GRXCR1: variants seen among roughly 807,000 people sequenced by gnomAD.
GRXCR1 encodes glutaredoxin and cysteine rich domain containing 1.
In GRXCR1, 27 loss-of-function variants were observed where a neutral mutation model predicts 27.3. That is an observed-to-expected ratio of 0.99 (90% CI 0.73 to 1.37). The LOEUF is 1.37. Among genes scored for constraint, GRXCR1 ranks in the 40% most tolerant of loss-of-function variants. GRXCR1 has a pLI of 0.00. For synonymous variants in GRXCR1, 122 were observed against 131.1 expected, an observed-to-expected ratio of 0.93 and a Z score of 0.47; for missense variants, 379 against 354.4, an observed-to-expected ratio of 1.07 and a Z score of -0.56.
At chr4:42,993,274 G>A (rs1712033415) in intron 2 of GRXCR1, among the ~76,000 whole-genome samples, 1 of 151,904 alleles carries the variant, frequency 6.6e-6, no homozygotes, top group Non-Finnish European at 1.5e-5. Context: ...CTTCATTATT[G>A]GTCCTCTTTT....
intron 3 of GRXCR1, among the ~76,000 whole-genome samples, chr4:43,027,600 T>G (rs901807380): frequency 6.6e-6 from 1 of 152,192 alleles, no homozygotes; most frequent in African/African-American, 2.4e-5. Context: ...GACAAGGAGC[T>G]CAGAAAGCTG....
chr4:43,023,167 C>T (rs1315257543), intron 3 of GRXCR1, among the ~76,000 whole-genome samples: 1 of 152,048 alleles, frequency 6.6e-6, no homozygotes, highest in African/African-American at 2.4e-5. Context: ...AGGAGGTAAG[C>T]TAGTAAAGAT....
chr4:42,967,460 A>AT (rs1748274089), intron 2 of GRXCR1, among the ~76,000 whole-genome samples: 1 of 151,488 alleles, frequency 6.6e-6, no homozygotes, highest in Admixed American at 6.6e-5. Context: ...TTTTTTGGAA[A>AT]TATTTCTTTT....
At chr4:42,927,783 A>G (rs192917017) in intron 1 of GRXCR1, among the ~76,000 whole-genome samples, 5 of 152,116 alleles carry the variant, frequency 3.3e-5, no homozygotes, top group Admixed American at 2.0e-4. Context: ...GGGAAGTAGG[A>G]AAGTGGGGAG....
intron 1 of GRXCR1, among the ~76,000 whole-genome samples, chr4:42,939,346 T>C (rs1465323704): frequency 6.6e-6 from 1 of 152,080 alleles, no homozygotes; most frequent in African/African-American, 2.4e-5. Context: ...TTTTGTACGT[T>C]GATTTTTATC....
intron 2 of GRXCR1, among the ~76,000 whole-genome samples, chr4:42,966,473 T>C (rs957224120): frequency 6.6e-6 from 1 of 152,124 alleles, no homozygotes; most frequent in African/African-American, 2.4e-5. Context: ...TTATTCTATT[T>C]AAGAGTAAAG....
chr4:42,913,700 A>G (rs909679855), intron 1 of GRXCR1, among the ~76,000 whole-genome samples: 1 of 152,164 alleles, frequency 6.6e-6, no homozygotes, highest in Non-Finnish European at 1.5e-5. Flanking sequence ...GCCAATGGGG[A>G]AAATATCACC....
intron 1 of GRXCR1, among the ~76,000 whole-genome samples, chr4:42,922,731 T>C (rs1747044507): frequency 6.6e-6 from 1 of 152,038 alleles, no homozygotes; most frequent in Non-Finnish European, 1.5e-5. Context: ...ATGGGAAATA[T>C]ATTCCCCTTG....
At chr4:42,943,244 G>T (rs1184273049) in intron 1 of GRXCR1, among the ~76,000 whole-genome samples, 1 of 152,018 alleles carries the variant, frequency 6.6e-6, no homozygotes, top group African/African-American at 2.4e-5. Flanking sequence ...ATAGTTAATT[G>T]TTCAATAAAT....
intron 2 of GRXCR1, among the ~76,000 whole-genome samples, chr4:43,019,762 G>C (rs1713040835): frequency 6.6e-6 from 1 of 152,068 alleles, no homozygotes; most frequent in South Asian, 2.1e-4. Flanking sequence ...GTCTTCTCTG[G>C]GTGGCCTTGG....
At chr4:43,000,411 G>T (rs1167479441) in intron 2 of GRXCR1, among the ~76,000 whole-genome samples, 1 of 150,070 alleles carries the variant, frequency 6.7e-6, no homozygotes, top group East Asian at 2.0e-4. Context: ...GGGACTAGGA[G>T]GTTGCAGTGA....
At chr4:42,966,635 G>A (rs1186955632) in intron 2 of GRXCR1, among the ~76,000 whole-genome samples, 2 of 152,086 alleles carry the variant, frequency 1.3e-5, no homozygotes, top group Non-Finnish European at 2.9e-5. Flanking sequence ...AGTCAAGAAG[G>A]AGTTGGCTCC....
At chr4:42,961,457 T>A (rs1347147922) in intron 1 of GRXCR1, among the ~76,000 whole-genome samples, 3 of 151,990 alleles carry the variant, frequency 2.0e-5, no homozygotes, top group Non-Finnish European at 2.9e-5. Flanking sequence ...TTTAAGTTGC[T>A]ACGTAAAATA....
At chr4:42,915,359 C>T (rs1051454743) in intron 1 of GRXCR1, among the ~76,000 whole-genome samples, 3 of 152,156 alleles carry the variant, frequency 2.0e-5, no homozygotes, top group South Asian at 4.1e-4. Context: ...TTTCATTTCA[C>T]TTGCACTGAC....
chr4:42,920,235 G>A (rs753506313), intron 1 of GRXCR1, among the ~76,000 whole-genome samples: 12 of 152,134 alleles, frequency 7.9e-5, no homozygotes, highest in Non-Finnish European at 1.3e-4. Flanking sequence ...AGAGGGATGA[G>A]CAGTGAGCAC....
At chr4:42,894,037 A>T (rs955091451) in intron 1 of GRXCR1, among the ~76,000 whole-genome samples, 1 of 152,154 alleles carries the variant, frequency 6.6e-6, no homozygotes, top group Non-Finnish European at 1.5e-5. Flanking sequence ...ATCATTACTT[A>T]TGTAGATATT....
intron 1 of GRXCR1, among the ~76,000 whole-genome samples, chr4:42,928,128 G>T (rs1002398767): frequency 6.6e-6 from 1 of 151,926 alleles, no homozygotes; most frequent in African/African-American, 2.4e-5. Flanking sequence ...GATGGGTAGA[G>T]AGTTACAGGC....
At chr4:43,014,962 T>C (rs914158706) in intron 2 of GRXCR1, among the ~76,000 whole-genome samples, 2 of 152,146 alleles carry the variant, frequency 1.3e-5, no homozygotes, top group African/African-American at 4.8e-5. Flanking sequence ...AAAGAAGGAA[T>C]TGACTGATTT....
intron 2 of GRXCR1, among the ~76,000 whole-genome samples, chr4:43,017,727 T>C (rs763605539): frequency 1.1e-4 from 16 of 152,170 alleles, no homozygotes; most frequent in Non-Finnish European, 1.6e-4. Context: ...TGGTGGAGTG[T>C]ATGTAAAAAC....
Sources: gnomAD v4.1 joint callset for allele counts (sites outside exome capture counted in the v4.1 genomes callset) on GRCh38, gnomAD v4.1.1 for gene constraint, MANE v1.5 for transcripts, NCBI Gene and HGNC (gene_info 2026-07-23, HGNC 2026-07-21) for gene names.